SLC9A2: variants seen among roughly 807,000 people sequenced by gnomAD.
SLC9A2 encodes solute carrier family 9 member A2.
A neutral mutation model predicts 71.7 loss-of-function variants in SLC9A2; 42 were observed. That is an observed-to-expected ratio of 0.59 (90% CI 0.46 to 0.76). The LOEUF is 0.76. Among genes scored for constraint, SLC9A2 ranks in the 30% least tolerant of loss-of-function variants. The pLI is 0.00. For missense variants in SLC9A2, 829 were observed against 1,017.4 expected (o/e 0.81, Z 2.52); for synonymous variants, 396 against 392.5 (o/e 1.01, Z -0.10).
At position 102,686,937 on chromosome 2, in the gene SLC9A2, C is replaced by T. The variant is rs138627639; in HGVS notation, c.1425+2601C>T. Among the ~76,000 whole-genome samples, 754 of 152,270 alleles carry T rather than the reference C, an allele frequency of 5.0e-3. 8 individuals carry two copies. Among genetic ancestry groups the T allele is most frequent in the African/African-American group, 0.018 (732 of 41,538 alleles). ...AAAGGAGAAAGCCTGAAGCAACAAA[C>T]AGCACAGTTGAGATGTATTAGCCGA... On this transcript the variant is annotated intron_variant, in intron 5 of 11. Transcript: ENST00000233969.
intron 5 of SLC9A2, among the ~76,000 whole-genome samples, chr2:102,687,985 C>T (rs180676305): frequency 3.0e-4 from 45 of 152,084 alleles, no homozygotes; most frequent in Admixed American, 1.1e-3. Context: ...TCGCTGTGTT[C>T]GCCAGGCTGG....
At chr2:102,660,919 T>C (rs972664830) in intron 2 of SLC9A2, among the ~76,000 whole-genome samples, 4 of 152,176 alleles carry the variant, frequency 2.6e-5, no homozygotes, top group Non-Finnish European at 4.4e-5. Flanking sequence ...ATGGGTAACA[T>C]GGTAGGTTAG....
At chr2:102,670,599 C>CAAAAA (rs66543071) in intron 3 of SLC9A2, among the ~76,000 whole-genome samples, 15 of 79,960 alleles carry the variant, frequency 1.9e-4, no homozygotes, top group African/African-American at 3.3e-4. Context: ...CTCCCCCCAC[C>CAAAAA]AAAAAAAAAA....
chr2:102,673,235 G>A (rs1677289302), intron 3 of SLC9A2, among the ~76,000 whole-genome samples: 1 of 152,054 alleles, frequency 6.6e-6, no homozygotes, highest in Non-Finnish European at 1.5e-5. Flanking sequence ...AAGTTTAAGT[G>A]AAACACAAGC....
Position 102,682,109 on chromosome 2 carries a change from T to C in SLC9A2, c.1005-1152T>C, listed in dbSNP as rs59076628. ...CATGACCAGTATTCAGCTTATGGCATGGTTACCACTGAGTGGAAGGCAGGG... is the reference window on the plus strand; with the variant it reads ...CATGACCAGTATTCAGCTTATGGCACGGTTACCACTGAGTGGAAGGCAGGG... On this transcript the variant is annotated intron_variant, in intron 3 of 11. Coordinates refer to ENST00000233969, the MANE Select transcript of SLC9A2 (RefSeq NM_003048.6). Among the ~76,000 whole-genome samples the C allele has an allele frequency of 4.5e-4, 68 of 152,290 alleles. 1 individual carries two copies. The highest frequency in any genetic ancestry group is 1.5e-3 in the African/African-American group (62 of 41,572).
At chr2:102,671,273 A>G (rs1677247851) in intron 3 of SLC9A2, among the ~76,000 whole-genome samples, 1 of 151,946 alleles carries the variant, frequency 6.6e-6, no homozygotes, top group African/African-American at 2.4e-5. Context: ...ACTTTTAATT[A>G]TAGTGTATGC....
chr2:102,628,333 A>C (rs1282623817), intron 1 of SLC9A2, among the ~76,000 whole-genome samples: 2 of 152,128 alleles, frequency 1.3e-5, no homozygotes, highest in East Asian at 3.9e-4. Context: ...ACAACATACC[A>C]ATGATAAAAC....
intron 3 of SLC9A2, 58 bp from the exon 4 acceptor site, chr2:102,683,203 T>C: frequency 1.6e-6 from 2 of 1,251,892 alleles, no homozygotes; most frequent in Non-Finnish European, 2.3e-6. Flanking sequence ...GTGCTATCTC[T>C]TGCATTCTGA....
intron 2 of SLC9A2, among the ~76,000 whole-genome samples, chr2:102,658,637 G>T (rs939216571): frequency 6.6e-6 from 1 of 151,676 alleles, no homozygotes; most frequent in Non-Finnish European, 1.5e-5. Context: ...TCTCATAAAT[G>T]AGTGTTTATT....
intron 1 of SLC9A2, among the ~76,000 whole-genome samples, chr2:102,640,931 T>C (rs1676564331): frequency 6.6e-6 from 1 of 152,184 alleles, no homozygotes; most frequent in South Asian, 2.1e-4. Flanking sequence ...AGCTCTTATG[T>C]CTCTAGAACC....
At chr2:102,631,560 C>T (rs565097793) in intron 1 of SLC9A2, among the ~76,000 whole-genome samples, 1 of 151,960 alleles carries the variant, frequency 6.6e-6, no homozygotes, top group South Asian at 2.1e-4. Flanking sequence ...TTGAACTCAG[C>T]TAGATATTAA....
intron 7 of SLC9A2, among the ~76,000 whole-genome samples, chr2:102,696,233 T>C (rs977938789): frequency 2.6e-5 from 4 of 152,040 alleles, no homozygotes; most frequent in Admixed American, 6.6e-5. Flanking sequence ...TTTTTTTTCA[T>C]AGAGAAATTT....
rs1678064893 is a variant in SLC9A2 at position 102,709,655 on chromosome 2, T to C, written c.*1166T>C. On this transcript the variant is annotated 3_prime_UTR_variant, in exon 12 of 12. Coordinates refer to ENST00000233969, the MANE Select transcript of SLC9A2 (RefSeq NM_003048.6). ...TGTTACCTCTCCCCATTCGATAATA[T>C]AGTAACTCAGAATTTTCATATAAAA... is the stretch of plus-strand genomic sequence containing the variant. 1 of 152,760 alleles carries C rather than the reference T, an allele frequency of 6.5e-6. No homozygotes were observed. Among genetic ancestry groups the C allele is most frequent in the African/African-American group, 2.4e-5 (1 of 41,456 alleles). The allele number at this position is 152,760 out of a possible 1,614,324, so 9.5% of individuals were successfully genotyped here.
chr2:102,708,213 G>C lies in SLC9A2; in HGVS notation c.2163G>C (p.Lys721Asn), dbSNP rs779553971. The change falls in exon 12 of 12, where the codon AAG (lysine) becomes AAC (asparagine). Residue 721 changes from lysine (K) to asparagine (N), a missense_variant. By Grantham distance (94) the Lys-to-Asn change is moderately conservative. Transcript: ENST00000233969. ...GCTTCTTGCCAGAACAGTTCTCCAA[G>C]AAATCCCCCCAGTCCTATAAAATGG... ...ARRFLPEQFS[K>N]KSPQSYKMEW... 1 of 1,614,114 alleles carries C rather than the reference G, an allele frequency of 6.2e-7. No homozygotes were observed.
intron 11 of SLC9A2, 101 bp downstream of exon 11, chr2:102,706,037 CGGCCGGGCGCGGTGGCTCACGCCTGT>C (rs1677969046): frequency 5.4e-6 from 1 of 183,994 alleles, no homozygotes; most frequent in Admixed American, 1.1e-4. Context: ...GAATGAGTTC[CGGCCGGGCGCGGTGGCTCACGCCTGT>C]AATCCCAGCA....
At chr2:102,695,788 ATTATATATATATT>A (rs1373206977) in intron 7 of SLC9A2, among the ~76,000 whole-genome samples, 1 of 43,292 alleles carries the variant, frequency 2.3e-5, no homozygotes, top group South Asian at 9.0e-4. Context: ...TTATATATAT[ATTATATATATATT>A]ATATATATAT....
At chr2:102,630,091 A>G (rs184651625) in intron 1 of SLC9A2, among the ~76,000 whole-genome samples, 8 of 152,246 alleles carry the variant, frequency 5.3e-5, no homozygotes, top group Admixed American at 5.2e-4. Context: ...TTTTGTCATA[A>G]TTCATATTTG....
intron 5 of SLC9A2, among the ~76,000 whole-genome samples, chr2:102,690,798 C>T (rs950790854): frequency 1.3e-5 from 2 of 152,128 alleles, no homozygotes; most frequent in African/African-American, 4.8e-5. Context: ...TTCCATAAGA[C>T]AGCATAGCAG....
intron 3 of SLC9A2, among the ~76,000 whole-genome samples, chr2:102,669,692 A>C (rs559593057): frequency 6.6e-6 from 1 of 152,246 alleles, no homozygotes; most frequent in Admixed American, 6.5e-5. Flanking sequence ...GAGTCAAAGC[A>C]CTGATGATTC....
Sources: allele counts gnomAD v4.1 joint callset (sites outside exome capture counted in the v4.1 genomes callset), GRCh38; gene constraint gnomAD v4.1.1; transcripts MANE v1.5; gene names NCBI Gene and HGNC (gene_info 2026-07-23, HGNC 2026-07-21).